COL28A1: variants seen among roughly 807,000 people sequenced by gnomAD.
COL28A1 encodes collagen type XXVIII alpha 1 chain.
A neutral mutation model predicts 150.2 loss-of-function variants in COL28A1; 161 were observed. That is an observed-to-expected ratio of 1.07 (90% CI 0.94 to 1.22). The LOEUF is 1.22. Ranked by LOEUF, COL28A1 falls within the 50% of genes most tolerant of loss-of-function variation. The pLI, the probability that COL28A1 is intolerant of heterozygous loss-of-function variation, is 0.00. For missense variants in COL28A1, 1,617 were observed against 1,388.3 expected (o/e 1.16, Z -2.62); for synonymous variants, 552 against 469.7 (o/e 1.18, Z -2.26).
At chr7:7,417,983 C>G (rs1480630875) in intron 26 of COL28A1, 56 bp from the exon 27 acceptor site, 6 of 1,440,154 alleles carry the variant, frequency 4.2e-6, no homozygotes, top group Non-Finnish European at 5.8e-6. Context: ...GAAGAAGAAA[C>G]AACGTTAAGT....
intron 18 of COL28A1, among the ~76,000 whole-genome samples, chr7:7,448,693 GA>G: frequency 6.7e-6 from 1 of 150,322 alleles, no homozygotes; most frequent in Non-Finnish European, 1.5e-5. Flanking sequence ...TCCAAATCTG[GA>G]AAAAAACAAA....
chr7:7,511,052 G>A (rs774849483), intron 9 of COL28A1, 39 bp downstream of exon 9: 1 of 1,569,760 alleles, frequency 6.4e-7, no homozygotes, highest in South Asian at 1.1e-5. Flanking sequence ...AACCCAAAAG[G>A]GATCACAGCT....
intron 30 of COL28A1, among the ~76,000 whole-genome samples, chr7:7,379,325 C>A (rs1471659891): frequency 6.6e-6 from 1 of 152,146 alleles, no homozygotes; most frequent in African/African-American, 2.4e-5. Context: ...GTCTCTTCTT[C>A]CAGAATCTAG....
chr7:7,399,083 C>T (rs1464385345), intron 27 of COL28A1, among the ~76,000 whole-genome samples: 1 of 152,190 alleles, frequency 6.6e-6, no homozygotes, highest in Non-Finnish European at 1.5e-5. Flanking sequence ...TATCTACTTT[C>T]TACAGTTTTC....
At chr7:7,472,593 A>ATTGTGT (rs1299665271) in intron 15 of COL28A1, among the ~76,000 whole-genome samples, 1 of 152,230 alleles carries the variant, frequency 6.6e-6, no homozygotes, top group Non-Finnish European at 1.5e-5. Context: ...CAATGACCAT[A>ATTGTGT]CTGCCAAAAG....
chr7:7,457,935 T>A (rs1204356728), intron 15 of COL28A1, among the ~76,000 whole-genome samples: 1 of 152,208 alleles, frequency 6.6e-6, no homozygotes, highest in Non-Finnish European at 1.5e-5. Context: ...GCAGATACTT[T>A]GGGCTTGAGG....
chr7:7,466,467 A>C (rs1319884750), intron 15 of COL28A1, among the ~76,000 whole-genome samples: 1 of 107,528 alleles, frequency 9.3e-6, no homozygotes, highest in Non-Finnish European at 1.8e-5. Context: ...GAAAAGACCA[A>C]ATCTACGTCT....
intron 15 of COL28A1, among the ~76,000 whole-genome samples, chr7:7,466,289 C>T (rs374444024): frequency 0.013 from 1,857 of 140,456 alleles, 53 homozygotes; most frequent in Middle Eastern, 0.065. Context: ...AACCAAGGCT[C>T]GAGAACTACG....
chr7:7,413,410 A>C (rs1047661145), intron 27 of COL28A1, among the ~76,000 whole-genome samples: 1 of 151,994 alleles, frequency 6.6e-6, no homozygotes, highest in Non-Finnish European at 1.5e-5. Flanking sequence ...ATGATTGTTG[A>C]CTCTTCACCA....
At chr7:7,418,795 C>G (rs1266046647) in intron 26 of COL28A1, among the ~76,000 whole-genome samples, 1 of 151,896 alleles carries the variant, frequency 6.6e-6, no homozygotes, top group African/African-American at 2.4e-5. Flanking sequence ...GAAAAATAGA[C>G]CCATCTTCCC....
intron 25 of COL28A1, chr7:7,431,658 G>T (rs1373251660): frequency 8.5e-6 from 4 of 470,826 alleles, no homozygotes; most frequent in South Asian, 6.2e-5. Context: ...TGAAAGAGAA[G>T]CCACCAGGGT....
rs575699377 is a variant in COL28A1 at position 7,389,067 on chromosome 7, G to T, written c.2137-7455C>A. Among the ~76,000 whole-genome samples, 168 of 152,134 alleles carry T rather than the reference G, an allele frequency of 1.1e-3. 1 individual carries two copies. Among genetic ancestry groups the T allele is most frequent in the African/African-American group, 3.8e-3 (159 of 41,492 alleles). ...TTGGTATTTTAGTCATGAAGCCTTT[G>T]CCCATGCCTATGTCCTGAATGGTAT... On this transcript the variant is annotated intron_variant, in intron 27 of 34. Coordinates refer to ENST00000399429, the MANE Select transcript of COL28A1 (RefSeq NM_001037763.3).
chr7:7,520,645 AC>A (rs2115193191), intron 5 of COL28A1, among the ~76,000 whole-genome samples: 1 of 152,294 alleles, frequency 6.6e-6, no homozygotes, highest in Non-Finnish European at 1.5e-5. Context: ...TTCCTAATCA[AC>A]CAGAAAGCTT....
At chr7:7,522,684 C>CA (rs1051672794) in intron 4 of COL28A1, among the ~76,000 whole-genome samples, 1 of 151,600 alleles carries the variant, frequency 6.6e-6, no homozygotes, top group African/African-American at 2.4e-5. Flanking sequence ...ACAACTCAGA[C>CA]AAAAAATGAT....
the COL28A1 span, among the ~76,000 whole-genome samples, chr7:7,348,504 A>T: frequency 6.6e-6 from 1 of 151,200 alleles, no homozygotes; most frequent in Non-Finnish European, 1.5e-5. Flanking sequence ...CTCCTACAAG[A>T]TACTTTTAAA....
intron 25 of COL28A1, among the ~76,000 whole-genome samples, chr7:7,428,367 GCACGGTAGGCTGTA>G (rs926003774): frequency 5.3e-5 from 8 of 152,300 alleles, no homozygotes; most frequent in African/African-American, 1.9e-4. Flanking sequence ...TAAGAGACGG[GCACGGTAGGCTGTA>G]CCTGCCCTTA....
chr7:7,532,852 G>C lies in COL28A1; in HGVS notation c.24C>G (p.Phe8Leu), dbSNP rs1478819545. 6.2e-7 allele frequency: 1 copy of C among 1,611,084 alleles called. No homozygotes were observed. Among genetic ancestry groups the C allele is most frequent in the African/African-American group, 1.3e-5 (1 of 74,732 alleles). ...TAAACGCTGACAAAAGCAGGAGATA[G>C]AAGACAAAATATCTGTTCCACATTA... Reference protein sequence around the residue: MWNRYFVFYLLLLSAFTS... With the variant: MWNRYFVLYLLLLSAFTS... Residue 8 changes from phenylalanine (F) to leucine (L), a missense_variant, in exon 2 of 35, where the codon TTC (phenylalanine) becomes TTG (leucine). Physicochemically the swap from Phe to Leu is conservative, Grantham distance 22. Coordinates refer to ENST00000399429, the MANE Select transcript of COL28A1 (RefSeq NM_001037763.3).
the COL28A1 span, among the ~76,000 whole-genome samples, chr7:7,350,218 T>G: frequency 0.01 from 1,550 of 152,094 alleles, 38 homozygotes; most frequent in African/African-American, 0.035. Flanking sequence ...AGAAGTAAGA[T>G]AGACCAGACC....
intron 13 of COL28A1, among the ~76,000 whole-genome samples, chr7:7,488,279 C>T (rs909941439): frequency 6.6e-6 from 1 of 152,148 alleles, no homozygotes; most frequent in Non-Finnish European, 1.5e-5. Flanking sequence ...ATTTTTCTTC[C>T]ATATAATGCT....
Sources: allele counts gnomAD v4.1 joint callset (sites outside exome capture counted in the v4.1 genomes callset), GRCh38; gene constraint gnomAD v4.1.1; transcripts MANE v1.5; gene names NCBI Gene and HGNC (gene_info 2026-07-23, HGNC 2026-07-21).